Variants in SPIRE1 observed in about 807,000 individuals in gnomAD.
SPIRE1 encodes the protein protein spire homolog 1.
SPIRE1 carries 40 observed loss-of-function variants against 94.1 expected under a neutral mutation model. That is an observed-to-expected ratio of 0.43 (90% CI 0.33 to 0.55). The LOEUF is 0.55. Ranked by LOEUF, SPIRE1 falls within the 20% of genes least tolerant of loss-of-function variation. The probability of loss-of-function intolerance (pLI) is 0.06; values close to 1 mark genes in which losing one functional copy is unlikely to be tolerated. For missense variants in SPIRE1, 838 were observed against 975.2 expected, an observed-to-expected ratio of 0.86 and a Z score of 1.87; for synonymous variants, 376 against 371.7, an observed-to-expected ratio of 1.01 and a Z score of -0.13.
intron 2 of SPIRE1, among the ~76,000 whole-genome samples, chr18:12,615,340 A>AT (rs1483905806): frequency 1.4e-4 from 8 of 59,152 alleles, no homozygotes; most frequent in Non-Finnish European, 2.6e-4. Flanking sequence ...AAAAAAAAAA[A>AT]AAAAAATATA....
At chr18:12,535,698 T>C in intron 3 of SPIRE1, 97 bp from the exon 4 acceptor site, 1 of 1,152,316 alleles carries the variant, frequency 8.7e-7, no homozygotes, top group South Asian at 1.4e-5. Context: ...GGTTCACGCC[T>C]GTAATCCCAG....
intron 1 of SPIRE1, among the ~76,000 whole-genome samples, chr18:12,649,919 A>T (rs372205865): frequency 2.9e-4 from 44 of 152,338 alleles, no homozygotes; most frequent in African/African-American, 1.0e-3. Context: ...CACACGTAGA[A>T]ATATATTGCA....
chr18:12,594,350 A>C (rs2036615666), intron 2 of SPIRE1, among the ~76,000 whole-genome samples: 1 of 152,214 alleles, frequency 6.6e-6, no homozygotes, highest in African/African-American at 2.4e-5. Flanking sequence ...GTTAAATAAT[A>C]ATGTCCATTA....
intron 10 of SPIRE1, among the ~76,000 whole-genome samples, chr18:12,472,853 C>G (rs1290070543): frequency 6.6e-6 from 1 of 152,128 alleles, no homozygotes; most frequent in East Asian, 1.9e-4. Flanking sequence ...AGTGCAGTGG[C>G]GTGATCTTGG....
intron 2 of SPIRE1, among the ~76,000 whole-genome samples, chr18:12,594,851 C>A (rs1236351136): frequency 6.6e-6 from 1 of 152,166 alleles, no homozygotes; most frequent in African/African-American, 2.4e-5. Flanking sequence ...AGCAACAAGA[C>A]CAATCCCTCC....
chr18:12,586,544 G>A (rs1567951447), intron 2 of SPIRE1, among the ~76,000 whole-genome samples: 1 of 152,162 alleles, frequency 6.6e-6, no homozygotes, highest in Non-Finnish European at 1.5e-5. Context: ...AATTCTCTCA[G>A]TCATGGCATC....
intron 2 of SPIRE1, among the ~76,000 whole-genome samples, chr18:12,550,176 C>G (rs1206365798): frequency 6.6e-6 from 1 of 152,192 alleles, no homozygotes; most frequent in Non-Finnish European, 1.5e-5. Context: ...CTCATACCCT[C>G]CAGTGCAATC....
At chr18:12,564,690 G>A (rs2035771986) in intron 2 of SPIRE1, among the ~76,000 whole-genome samples, 1 of 152,088 alleles carries the variant, frequency 6.6e-6, no homozygotes, top group Non-Finnish European at 1.5e-5. Flanking sequence ...AAACTGCCCT[G>A]GGAACCAGCG....
chr18:12,605,550 T>G (rs2036953441), intron 2 of SPIRE1, among the ~76,000 whole-genome samples: 1 of 152,160 alleles, frequency 6.6e-6, no homozygotes, highest in South Asian at 2.1e-4. Context: ...CTTTTCACCT[T>G]ACTTATTTGC....
intron 1 of SPIRE1, among the ~76,000 whole-genome samples, chr18:12,638,371 GAGGTCC>G (rs1459947587): frequency 2.0e-5 from 3 of 152,166 alleles, no homozygotes; most frequent in Non-Finnish European, 2.9e-5. Context: ...TTGAGCCCAG[GAGGTCC>G]AGTCTGCAGT....
intron 4 of SPIRE1, among the ~76,000 whole-genome samples, chr18:12,529,347 C>G (rs982400759): frequency 3.4e-5 from 5 of 148,052 alleles, no homozygotes; most frequent in African/African-American, 7.6e-5. Flanking sequence ...CCAGCTTAGA[C>G]GACAGAGCAA....
chr18:12,557,207 G>A (rs1053683444), intron 2 of SPIRE1, among the ~76,000 whole-genome samples: 2 of 152,222 alleles, frequency 1.3e-5, no homozygotes, highest in Non-Finnish European at 2.9e-5. Context: ...GGTGGCGCCC[G>A]TCGGGGAGGC....
chr18:12,619,848 G>GGAA (rs1555633041), intron 2 of SPIRE1, among the ~76,000 whole-genome samples: 1 of 111,002 alleles, frequency 9.0e-6, no homozygotes, highest in Non-Finnish European at 1.8e-5. Context: ...TCTGCCTCAG[G>GGAA]AAAAAAAAAA....
chr18:12,595,767 G>A (rs974789298), intron 2 of SPIRE1, among the ~76,000 whole-genome samples: 1 of 152,184 alleles, frequency 6.6e-6, no homozygotes, highest in Admixed American at 6.5e-5. Flanking sequence ...TGTGTGCTGT[G>A]GTGAGGTAAC....
chr18:12,651,655 AGAGC>A (rs2038384174), intron 1 of SPIRE1, among the ~76,000 whole-genome samples: 1 of 152,224 alleles, frequency 6.6e-6, no homozygotes, highest in Non-Finnish European at 1.5e-5. Context: ...CCTGAGCAAC[AGAGC>A]GAGACTCCAT....
chr18:12,661,746 G>C (rs2144935873), upstream of SPIRE1: 1 of 153,654 alleles, frequency 6.5e-6, no homozygotes, highest in African/African-American at 2.4e-5. Context: ...CTGCACTCCA[G>C]CCAGGGTGAC....
At chr18:12,480,940 C>T (rs1424243976) in intron 9 of SPIRE1, among the ~76,000 whole-genome samples, 4 of 152,078 alleles carry the variant, frequency 2.6e-5, no homozygotes, top group Non-Finnish European at 4.4e-5. Context: ...GTGAGGCTGC[C>T]GTAGATGGGG....
At chr18:12,520,760 C>T (rs2034334465) in intron 4 of SPIRE1, among the ~76,000 whole-genome samples, 1 of 152,148 alleles carries the variant, frequency 6.6e-6, no homozygotes, top group Non-Finnish European at 1.5e-5. Context: ...TTCCAGCCAA[C>T]TTAAATGCCA....
At chr18:12,590,399 A>T (rs1041585913) in intron 2 of SPIRE1, among the ~76,000 whole-genome samples, 1 of 152,088 alleles carries the variant, frequency 6.6e-6, no homozygotes, top group African/African-American at 2.4e-5. Flanking sequence ...CGCATCTCCT[A>T]ATTTCTGAAT....
Sources: gnomAD v4.1 joint callset for allele counts (sites outside exome capture counted in the v4.1 genomes callset) on GRCh38, gnomAD v4.1.1 for gene constraint, MANE v1.5 for transcripts, NCBI Gene and HGNC (gene_info 2026-07-23, HGNC 2026-07-21) for gene names.